The following KCNK2 variants were observed in gnomAD, a reference collection of about 807,000 sequenced individuals.
KCNK2 encodes potassium channel subfamily K member 2.
KCNK2 carries 21 observed loss-of-function variants against 40.5 expected under a neutral mutation model. The observed-to-expected ratio is 0.52, with a 90% CI of 0.37 to 0.75. The LOEUF (loss-of-function observed/expected upper bound fraction) is 0.75. Ranked by LOEUF, KCNK2 falls within the 30% of genes least tolerant of loss-of-function variation. KCNK2 has a pLI of 0.00. For missense variants in KCNK2, 399 were observed against 531.6 expected, an observed-to-expected ratio of 0.75 and a Z score of 2.45; for synonymous variants, 191 against 202.2, an observed-to-expected ratio of 0.94 and a Z score of 0.47.
intron 1 of KCNK2, among the ~76,000 whole-genome samples, chr1:215,040,413 G>A (rs147393672): frequency 6.6e-6 from 1 of 152,168 alleles, no homozygotes; most frequent in African/African-American, 2.4e-5. Context: ...GCCTGGGCCA[G>A]TTTGACTTTA....
At chr1:215,223,241 T>TAAAAAAAAAAAAAAAAAAAAAAAAAA (rs56890763) in intron 6 of KCNK2, among the ~76,000 whole-genome samples, 1 of 112,056 alleles carries the variant, frequency 8.9e-6, no homozygotes, top group Non-Finnish European at 1.8e-5. Context: ...AGCTCTTTTC[T>TAAAAAAAAAAAAAAAAAAAAAAAAAA]AAAAAAAAAA....
At chr1:215,113,847 C>T (rs1360932014) in intron 2 of KCNK2, among the ~76,000 whole-genome samples, 2 of 152,102 alleles carry the variant, frequency 1.3e-5, no homozygotes, top group Admixed American at 1.3e-4. Flanking sequence ...CTGCGCAACT[C>T]GGCCTCCCAA....
upstream of KCNK2, among the ~76,000 whole-genome samples, chr1:215,082,379 A>G (rs935014318): frequency 3.3e-5 from 5 of 152,228 alleles, no homozygotes; most frequent in East Asian, 9.8e-4. Context: ...AGGACGCCCT[A>G]GTGCAGGGGT....
chr1:215,085,938 A>G (rs1242813572), intron 1 of KCNK2, among the ~76,000 whole-genome samples: 1 of 152,246 alleles, frequency 6.6e-6, no homozygotes, highest in Non-Finnish European at 1.5e-5. Flanking sequence ...CTTGTGATAT[A>G]AAGTTCTTGA....
intron 1 of KCNK2, among the ~76,000 whole-genome samples, chr1:215,010,851 A>ATTTTTT (rs66945279): frequency 1.6e-5 from 2 of 125,458 alleles, no homozygotes; most frequent in African/African-American, 3.1e-5. Context: ...CAGGACACAG[A>ATTTTTT]TTTTTTTTTT....
chr1:215,019,925 G>A (rs1482987917), intron 1 of KCNK2, among the ~76,000 whole-genome samples: 1 of 149,392 alleles, frequency 6.7e-6, no homozygotes, highest in Non-Finnish European at 1.5e-5. Context: ...TTTAGATATA[G>A]AGGGTACATG....
intron 1 of KCNK2, among the ~76,000 whole-genome samples, chr1:215,024,364 C>G (rs1413684060): frequency 6.6e-6 from 1 of 152,150 alleles, no homozygotes; most frequent in African/African-American, 2.4e-5. Flanking sequence ...GGTTAGTGCA[C>G]AGTTTTAAGA....
intron 3 of KCNK2, among the ~76,000 whole-genome samples, chr1:215,149,323 C>T (rs1662581287): frequency 6.6e-6 from 1 of 152,052 alleles, no homozygotes. Context: ...GTTATTTAAA[C>T]ATAATCAAAT....
intron 2 of KCNK2, among the ~76,000 whole-genome samples, chr1:215,088,515 T>C (rs184110120): frequency 1.0e-3 from 159 of 151,906 alleles, no homozygotes; most frequent in African/African-American, 3.6e-3. Flanking sequence ...GATTGTAGCC[T>C]CTGATTCATG....
chr1:215,113,677 C>T (rs1440801736), intron 2 of KCNK2, among the ~76,000 whole-genome samples: 1 of 152,120 alleles, frequency 6.6e-6, no homozygotes. Flanking sequence ...CTCACTGCAA[C>T]CTCCTCCTCC....
At position 215,182,779 on chromosome 1, in the gene KCNK2, A is replaced by G. The variant is rs61818349; in HGVS notation, c.823+10596A>G. 3.4e-3 allele frequency among the ~76,000 whole-genome samples: 514 copies of G among 152,308 alleles called. 4 individuals carry two copies. The highest frequency in any genetic ancestry group is 5.5e-3 in the Non-Finnish European group (374 of 68,020). On this transcript the variant is annotated intron_variant, in intron 5 of 6. Coordinates refer to ENST00000444842, the MANE Select transcript of KCNK2 (RefSeq NM_001017425.3). ...TGTTGACTTTATGTTTGTCCAGATTAAAAATAGCCTCCTGCTCTCTGTCCC... is the reference window on the plus strand; with the variant it reads ...TGTTGACTTTATGTTTGTCCAGATTGAAAATAGCCTCCTGCTCTCTGTCCC...
intron 3 of KCNK2, among the ~76,000 whole-genome samples, chr1:215,168,435 A>G (rs1482809818): frequency 6.6e-6 from 1 of 152,216 alleles, no homozygotes; most frequent in Admixed American, 6.5e-5. Flanking sequence ...TTACAATATC[A>G]AAGTCATGGA....
intron 2 of KCNK2, among the ~76,000 whole-genome samples, chr1:215,122,310 A>G (rs991724528): frequency 6.6e-6 from 1 of 152,160 alleles, no homozygotes; most frequent in Non-Finnish European, 1.5e-5. Flanking sequence ...TGTTAAATCT[A>G]TGAAAATAAA....
At chr1:215,122,714 C>T (rs1423363448) in intron 2 of KCNK2, among the ~76,000 whole-genome samples, 1 of 149,338 alleles carries the variant, frequency 6.7e-6, no homozygotes, top group East Asian at 2.0e-4. Context: ...CGCTACTATA[C>T]ATCAAATGCT....
intron 1 of KCNK2, among the ~76,000 whole-genome samples, chr1:215,065,975 T>C (rs1279097775): frequency 6.6e-6 from 1 of 152,058 alleles, no homozygotes; most frequent in African/African-American, 2.4e-5. Context: ...AAAAAATTGA[T>C]GAAGCTGGAA....
chr1:215,148,605 A>G (rs1054047888), intron 3 of KCNK2, among the ~76,000 whole-genome samples: 4 of 152,148 alleles, frequency 2.6e-5, no homozygotes, highest in African/African-American at 9.7e-5. Context: ...ATCCCTATAC[A>G]AGATATATAA....
At chr1:215,199,176 T>G (rs1422269886) in intron 6 of KCNK2, among the ~76,000 whole-genome samples, 1 of 151,436 alleles carries the variant, frequency 6.6e-6, no homozygotes, top group African/African-American at 2.4e-5. Context: ...GGTATGGGGG[T>G]GGGTGCCTGT....
At chr1:215,233,047 A>G (rs770077053) in intron 6 of KCNK2, among the ~76,000 whole-genome samples, 16 of 152,320 alleles carry the variant, frequency 1.1e-4, no homozygotes, top group Non-Finnish European at 2.2e-4. Context: ...AAACAGAATT[A>G]CATGTTTAGT....
intron 1 of KCNK2, among the ~76,000 whole-genome samples, chr1:215,059,742 C>A (rs1383921692): frequency 6.6e-6 from 1 of 152,150 alleles, no homozygotes; most frequent in Non-Finnish European, 1.5e-5. Context: ...GCCATGTTAT[C>A]TGGGCCTAGA....
Sources: gnomAD v4.1 joint callset for allele counts (sites outside exome capture counted in the v4.1 genomes callset) on GRCh38, gnomAD v4.1.1 for gene constraint, MANE v1.5 for transcripts, NCBI Gene and HGNC (gene_info 2026-07-23, HGNC 2026-07-21) for gene names.